Variants in NTM observed in about 807,000 individuals in gnomAD.
NTM encodes IgLON family member 2.
Under a neutral mutation model 42.1 loss-of-function variants are expected in NTM, and 13 were observed. That is an observed-to-expected ratio of 0.31 (90% confidence interval 0.20 to 0.49). The LOEUF (loss-of-function observed/expected upper bound fraction) is 0.49. Among genes scored for constraint, NTM ranks in the 20% least tolerant of loss-of-function variants. The pLI is 0.99. For synonymous variants in NTM, 187 were observed against 179.2 expected (o/e 1.04, Z -0.35); for missense variants, 373 against 452.8 (o/e 0.82, Z 1.60).
chr11:131,426,776 G>A (rs376616142), intron 1 of NTM, among the ~76,000 whole-genome samples: 1 of 152,252 alleles, frequency 6.6e-6, no homozygotes, highest in African/African-American at 2.4e-5. Flanking sequence ...CTTTCTTGGG[G>A]CACGAAAGCG....
intron 1 of NTM, among the ~76,000 whole-genome samples, chr11:131,874,677 A>G (rs2048319630): frequency 6.6e-6 from 1 of 152,196 alleles, no homozygotes; most frequent in Admixed American, 6.5e-5. Flanking sequence ...TATTCCTTCT[A>G]AAACTGCCTA....
At chr11:132,204,623 C>T (rs2081676331) in intron 3 of NTM, among the ~76,000 whole-genome samples, 1 of 152,102 alleles carries the variant, frequency 6.6e-6, no homozygotes, top group Admixed American at 6.5e-5. Context: ...GGGCTTGAGG[C>T]ATTTGAAGAG....
At chr11:132,163,448 G>T (rs972945003) in intron 3 of NTM, among the ~76,000 whole-genome samples, 4 of 152,186 alleles carry the variant, frequency 2.6e-5, no homozygotes, top group Non-Finnish European at 5.9e-5. Flanking sequence ...ACCTGATTAT[G>T]TGGCAGCCAA....
chr11:132,061,037 G>T (rs1293101816), intron 2 of NTM, among the ~76,000 whole-genome samples: 2 of 152,276 alleles, frequency 1.3e-5, no homozygotes, highest in Admixed American at 1.3e-4. Flanking sequence ...TGTTAATGCT[G>T]CATTGAAGAT....
intron 6 of NTM, among the ~76,000 whole-genome samples, chr11:132,311,114 G>A (rs1194577666): frequency 1.3e-5 from 2 of 152,194 alleles, no homozygotes; most frequent in African/African-American, 2.4e-5. Flanking sequence ...GGCATTCTGA[G>A]AAGGAGAGCA....
chr11:132,176,624 G>A (rs115940947), intron 3 of NTM, among the ~76,000 whole-genome samples: 1 of 151,068 alleles, frequency 6.6e-6, no homozygotes, highest in Admixed American at 6.6e-5. Context: ...CTCAGATTAT[G>A]CTTGACATGT....
chr11:131,523,446 A>G (rs937896616), intron 1 of NTM, among the ~76,000 whole-genome samples: 10 of 152,230 alleles, frequency 6.6e-5, no homozygotes, highest in African/African-American at 2.4e-4. Flanking sequence ...GAAGGCAGTA[A>G]TGTAGAAGTG....
chr11:132,085,634 G>A (rs1014174686), intron 2 of NTM, among the ~76,000 whole-genome samples: 2 of 152,186 alleles, frequency 1.3e-5, no homozygotes, highest in African/African-American at 4.8e-5. Context: ...TCCTTCAAAA[G>A]TATTTCAGTT....
chr11:131,863,108 C>A (rs763941501), intron 1 of NTM, among the ~76,000 whole-genome samples: 1 of 152,208 alleles, frequency 6.6e-6, no homozygotes, highest in Non-Finnish European at 1.5e-5. Context: ...GTGCTACTCA[C>A]ATGTATGGTG....
At chr11:132,072,038 G>A (rs1219716474) in intron 2 of NTM, among the ~76,000 whole-genome samples, 2 of 152,168 alleles carry the variant, frequency 1.3e-5, no homozygotes, top group Non-Finnish European at 2.9e-5. Context: ...TTGTACCAAA[G>A]TCTACTGGTA....
At chr11:131,580,641 G>C (rs1476254984) in intron 1 of NTM, among the ~76,000 whole-genome samples, 1 of 152,148 alleles carries the variant, frequency 6.6e-6, no homozygotes, top group East Asian at 1.9e-4. Context: ...AGTTGAGAAG[G>C]AGTAGTCTAT....
At chr11:131,903,609 TAAG>T (rs2053464474) in intron 1 of NTM, among the ~76,000 whole-genome samples, 1 of 152,204 alleles carries the variant, frequency 6.6e-6, no homozygotes, top group South Asian at 2.1e-4. Flanking sequence ...GAAGGCCATA[TAAG>T]AAGGGCTATT....
intron 1 of NTM, among the ~76,000 whole-genome samples, chr11:131,908,159 G>A (rs968677266): frequency 6.6e-6 from 1 of 152,174 alleles, no homozygotes; most frequent in Non-Finnish European, 1.5e-5. Context: ...TCCCTTCACG[G>A]GCAGAGACAA....
intron 1 of NTM, among the ~76,000 whole-genome samples, chr11:131,675,678 T>G (rs2071253694): frequency 6.6e-6 from 1 of 152,130 alleles, no homozygotes; most frequent in Non-Finnish European, 1.5e-5. Flanking sequence ...GCTTGTACAT[T>G]TCTCATCATG....
chr11:132,262,960 G>A (rs560837266), intron 4 of NTM, among the ~76,000 whole-genome samples: 1 of 152,332 alleles, frequency 6.6e-6, no homozygotes, highest in Non-Finnish European at 1.5e-5. Flanking sequence ...GACAGGAATG[G>A]GGTAGGCATT....
chr11:131,985,890 T>G (rs539145721), intron 2 of NTM, among the ~76,000 whole-genome samples: 2 of 152,198 alleles, frequency 1.3e-5, no homozygotes, highest in Non-Finnish European at 2.9e-5. Flanking sequence ...GAGTCTGTCA[T>G]CAGGACACAG....
chr11:132,112,828 G>T (rs1209098025), intron 2 of NTM, among the ~76,000 whole-genome samples: 3 of 151,868 alleles, frequency 2.0e-5, no homozygotes, highest in East Asian at 3.9e-4. Context: ...CTTCTATTCA[G>T]ATTAGCTTTG....
At chr11:131,748,088 C>T (rs946765564) in intron 1 of NTM, among the ~76,000 whole-genome samples, 1 of 152,214 alleles carries the variant, frequency 6.6e-6, no homozygotes, top group African/African-American at 2.4e-5. Context: ...GATAAAGGTG[C>T]CATAAGCTAA....
chr11:131,789,052 C>T (rs114651416), intron 1 of NTM, among the ~76,000 whole-genome samples: 80 of 152,118 alleles, frequency 5.3e-4, no homozygotes, highest in African/African-American at 1.7e-3. Flanking sequence ...GAATGAGTGT[C>T]GACTCTCGAA....
Sources: gnomAD v4.1 joint callset for allele counts (sites outside exome capture counted in the v4.1 genomes callset) on GRCh38, gnomAD v4.1.1 for gene constraint, MANE v1.5 for transcripts, NCBI Gene and HGNC (gene_info 2026-07-23, HGNC 2026-07-21) for gene names.